The following XKR6 variants were observed in gnomAD, a reference collection of about 807,000 sequenced individuals.
The protein encoded by XKR6 is XK related 6.
XKR6 carries 22 observed loss-of-function variants against 56.7 expected under a neutral mutation model. The observed-to-expected ratio is 0.39, with a 90% CI of 0.28 to 0.55. The LOEUF (loss-of-function observed/expected upper bound fraction) is 0.55. XKR6 is among the 20% of genes least tolerant of loss of function. The probability of loss-of-function intolerance (pLI) is 0.66; values close to 1 mark genes in which losing one functional copy is unlikely to be tolerated. For missense variants in XKR6, 852 were observed against 889.0 expected (o/e 0.96, Z 0.53); for synonymous variants, 524 against 387.8 (o/e 1.35, Z -4.13).
chr8:10,932,890 G>A (rs896916460), intron 1 of XKR6, among the ~76,000 whole-genome samples: 2 of 140,750 alleles, frequency 1.4e-5, no homozygotes, highest in Non-Finnish European at 3.1e-5. Context: ...AAACATACGT[G>A]TGCATGTGTC....
chr8:11,092,583 G>C (rs1191180602), intron 1 of XKR6, among the ~76,000 whole-genome samples: 1 of 152,144 alleles, frequency 6.6e-6, no homozygotes, highest in African/African-American at 2.4e-5. Flanking sequence ...AAGAGAAACT[G>C]CTGATCTCAC....
intron 1 of XKR6, among the ~76,000 whole-genome samples, chr8:10,977,123 C>T (rs564628108): frequency 3.2e-4 from 48 of 152,314 alleles, no homozygotes; most frequent in South Asian, 3.1e-3. Flanking sequence ...CAAGAGACCT[C>T]GTCTCACAGG....
At position 11,017,308 on chromosome 8, in the gene XKR6, G is replaced by C. The variant is rs1269790328; in HGVS notation, c.765-92478C>G. On this transcript the variant is annotated intron_variant, in intron 1 of 2. Coordinates refer to ENST00000416569, the MANE Select transcript of XKR6 (RefSeq NM_173683.4). ...AAGGGACAACCCGGACCCCAGGCTG[G>C]CCAGGACAGTACCCAGGCTTTGGCA... Among the ~76,000 whole-genome samples, 5 of 152,218 alleles carry C rather than the reference G, an allele frequency of 3.3e-5. 1 individual carries two copies. Among genetic ancestry groups the C allele is most frequent in the East Asian group, 1.9e-4 (1 of 5,202 alleles).
chr8:11,181,834 T>C (rs1802997484), intron 1 of XKR6, among the ~76,000 whole-genome samples: 1 of 152,202 alleles, frequency 6.6e-6, no homozygotes, highest in Non-Finnish European at 1.5e-5. Context: ...TAGTATCTTC[T>C]TCCACAAAGC....
At chr8:11,062,710 G>A in intron 1 of XKR6, 1 of 455,374 alleles carries the variant, frequency 2.2e-6, no homozygotes, top group Non-Finnish European at 4.4e-6. Flanking sequence ...TCTATTTTAT[G>A]GAACAAACTC....
intron 1 of XKR6, among the ~76,000 whole-genome samples, chr8:11,103,108 G>GT (rs1233960876): frequency 6.6e-6 from 1 of 152,130 alleles, no homozygotes; most frequent in Non-Finnish European, 1.5e-5. Flanking sequence ...GCTGATGGCA[G>GT]TTTTTTTAAT....
intron 2 of XKR6, among the ~76,000 whole-genome samples, chr8:10,903,187 T>C (rs1039104206): frequency 6.6e-6 from 1 of 152,238 alleles, no homozygotes; most frequent in Non-Finnish European, 1.5e-5. Flanking sequence ...TACGTCGTTA[T>C]GTTTGGCCAA....
intron 1 of XKR6, among the ~76,000 whole-genome samples, chr8:11,100,268 G>T (rs1435256394): frequency 6.6e-6 from 1 of 152,110 alleles, no homozygotes; most frequent in Non-Finnish European, 1.5e-5. Context: ...TGCCCAGGCT[G>T]GTCTCGAAAT....
chr8:11,013,259 T>A (rs1338431009), intron 1 of XKR6, among the ~76,000 whole-genome samples: 1 of 152,196 alleles, frequency 6.6e-6, no homozygotes, highest in Non-Finnish European at 1.5e-5. Flanking sequence ...GTCTCTAAGA[T>A]GAGGCTGAGG....
chr8:10,977,336 C>T (rs530799815), intron 1 of XKR6, among the ~76,000 whole-genome samples: 3 of 152,088 alleles, frequency 2.0e-5, no homozygotes, highest in African/African-American at 7.2e-5. Flanking sequence ...GACACCCTGC[C>T]CTCTGGTGGC....
intron 1 of XKR6, among the ~76,000 whole-genome samples, chr8:11,044,750 C>A (rs989793246): frequency 6.6e-6 from 1 of 151,882 alleles, no homozygotes; most frequent in Non-Finnish European, 1.5e-5. Context: ...TCCCAAGCAG[C>A]TGGGACTACA....
At chr8:11,035,462 G>T (rs1319736019) in intron 1 of XKR6, among the ~76,000 whole-genome samples, 2 of 152,078 alleles carry the variant, frequency 1.3e-5, no homozygotes, top group Non-Finnish European at 2.9e-5. Flanking sequence ...CCAAGAAGTG[G>T]GGTAATCTGG....
rs531598423 is a variant in XKR6 at position 11,116,072 on chromosome 8, A to G, written c.764+84504T>C. 2.6e-5 allele frequency among the ~76,000 whole-genome samples: 4 copies of G among 152,316 alleles called. No homozygotes were observed. The South Asian group carries it at 6.2e-4, about 24-fold the overall frequency. ...GCAAATCAATAAGCTTTGAAAGTAC[A>G]TTTCCCACGGATGTTCGTAAGATGA... On this transcript the variant is annotated intron_variant, in intron 1 of 2. Transcript: ENST00000416569.
chr8:11,108,122 G>A (rs968213630), intron 1 of XKR6: 7 of 344,316 alleles, frequency 2.0e-5, no homozygotes, highest in African/African-American at 6.6e-5. Context: ...ACACGCAAAG[G>A]GACCCGTGTG....
intron 1 of XKR6, among the ~76,000 whole-genome samples, chr8:10,932,317 A>G (rs1801074344): frequency 6.6e-6 from 1 of 152,182 alleles, no homozygotes; most frequent in Non-Finnish European, 1.5e-5. Context: ...AAAGTTAAAC[A>G]TACTCTCCAC....
rs565282556 is a variant in XKR6, at chr8:11,099,069, C to T, written c.764+101507G>A. Among the ~76,000 whole-genome samples the T allele has an allele frequency of 7.0e-4, 106 of 152,262 alleles. 1 individual carries two copies. In the Middle Eastern group the frequency reaches 0.01, roughly 15 times the overall value. ...CCCTCAACGCCCCACCAGGTAGGCA[C>T]GCTGTCCATTTTCGCCCTCCTCTGT... On this transcript the variant is annotated intron_variant, in intron 1 of 2. Transcript: ENST00000416569.
intron 1 of XKR6, among the ~76,000 whole-genome samples, chr8:10,983,305 A>C (rs185699134): frequency 6.6e-6 from 1 of 152,312 alleles, no homozygotes; most frequent in East Asian, 1.9e-4. Flanking sequence ...AAGAAAGGAC[A>C]AACATACAAA....
At chr8:10,971,197 G>T (rs572769598) in intron 1 of XKR6, among the ~76,000 whole-genome samples, 2 of 151,782 alleles carry the variant, frequency 1.3e-5, no homozygotes, top group Non-Finnish European at 2.9e-5. Context: ...CGAGGTGGGC[G>T]GATCACGAGG....
At chr8:11,136,688 C>T (rs1424798817) in intron 1 of XKR6, among the ~76,000 whole-genome samples, 1 of 152,120 alleles carries the variant, frequency 6.6e-6, no homozygotes, top group Non-Finnish European at 1.5e-5. Flanking sequence ...AGCAAGAACG[C>T]ATTCCCTCTG....
Sources: gnomAD v4.1 joint callset for allele counts (sites outside exome capture counted in the v4.1 genomes callset) on GRCh38, gnomAD v4.1.1 for gene constraint, MANE v1.5 for transcripts, NCBI Gene and HGNC (gene_info 2026-07-23, HGNC 2026-07-21) for gene names.